C12orf56: variants seen among roughly 807,000 people sequenced by gnomAD.
C12orf56 encodes uncharacterized protein C12orf56.
C12orf56 carries 71 observed loss-of-function variants against 69.9 expected under a neutral mutation model. That is an observed-to-expected ratio of 1.02 (90% CI 0.84 to 1.24). The LOEUF is 1.24. Ranked by LOEUF, C12orf56 falls within the 50% of genes most tolerant of loss-of-function variation. C12orf56 has a pLI of 0.00. For missense variants in C12orf56, 732 were observed against 738.5 expected (o/e 0.99, Z 0.10); for synonymous variants, 276 against 274.1 (o/e 1.01, Z -0.07).
intron 3 of C12orf56, among the ~76,000 whole-genome samples, chr12:64,319,449 A>G (rs557844796): frequency 1.3e-5 from 2 of 152,160 alleles, no homozygotes; most frequent in African/African-American, 2.4e-5. Context: ...AGGTTGGAGT[A>G]CAGTGGTGCC....
At chr12:64,387,488 A>C (rs943274500) in intron 1 of C12orf56, among the ~76,000 whole-genome samples, 2 of 152,220 alleles carry the variant, frequency 1.3e-5, no homozygotes, top group African/African-American at 2.4e-5. Flanking sequence ...GGAGCTTTAC[A>C]GTACTTTTTA....
intron 6 of C12orf56, among the ~76,000 whole-genome samples, chr12:64,299,476 GTA>G (rs1467918772): frequency 6.6e-6 from 1 of 152,136 alleles, no homozygotes; most frequent in Non-Finnish European, 1.5e-5. Context: ...GTGTTTTCAA[GTA>G]TAAAACAGAT....
intron 2 of C12orf56, among the ~76,000 whole-genome samples, chr12:64,337,870 A>C (rs1346085631): frequency 2.0e-5 from 3 of 151,866 alleles, no homozygotes; most frequent in African/African-American, 4.8e-5. Flanking sequence ...AAAAAAAAAA[A>C]AAAACACCAG....
intron 1 of C12orf56, among the ~76,000 whole-genome samples, chr12:64,353,720 C>T (rs757994893): frequency 1.8e-4 from 28 of 152,022 alleles, no homozygotes; most frequent in Admixed American, 4.6e-4. Flanking sequence ...CTCTCTCTGT[C>T]GCCCAGCCTG....
chr12:64,308,992 A>AG (rs10676209), intron 5 of C12orf56, among the ~76,000 whole-genome samples: 2 of 150,514 alleles, frequency 1.3e-5, no homozygotes, highest in African/African-American at 2.4e-5. Flanking sequence ...AAGAAAAGAA[A>AG]GAAGGAAAGA....
At chr12:64,333,513 A>AT (rs981605830) in intron 2 of C12orf56, among the ~76,000 whole-genome samples, 6 of 148,154 alleles carry the variant, frequency 4.0e-5, no homozygotes, top group African/African-American at 1.5e-4. Flanking sequence ...TTATTTTTTT[A>AT]TTTTTTTGAG....
In C12orf56 at chr12:64,332,572, G is replaced by A. The variant is rs184591421; in HGVS notation, c.416-1540C>T. On this transcript the variant is annotated intron_variant, in intron 2 of 12. Transcript: ENST00000543942. ...TGTCCTGATTTCTTTGGAGTGCTGC[G>A]GGCATTGTATTTGTACAGTGTAAGA... Among the ~76,000 whole-genome samples the A allele has an allele frequency of 4.6e-5, 7 of 152,218 alleles. No homozygotes were observed. The East Asian group carries it at 5.8e-4, about 13-fold the overall frequency.
In C12orf56 at chr12:64,380,756, A is replaced by G. The variant is rs188995864; in HGVS notation, c.252+9558T>C. On this transcript the variant is annotated intron_variant, in intron 1 of 12. Transcript: ENST00000543942. ...CTCGAGTGTTCTAGGTAGAAAGGCAAGTACAAAGGTCCTGAGGTATAGAAG... is the reference window on the plus strand; with the variant it reads ...CTCGAGTGTTCTAGGTAGAAAGGCAGGTACAAAGGTCCTGAGGTATAGAAG... 6.3e-4 allele frequency among the ~76,000 whole-genome samples: 96 copies of G among 152,306 alleles called. 2 individuals are homozygous for G. The highest frequency in any genetic ancestry group is 3.1e-3 in the South Asian group (15 of 4,830).
intron 2 of C12orf56, chr12:64,338,740 G>A (rs1353023149): frequency 2.0e-6 from 3 of 1,482,556 alleles, no homozygotes; most frequent in Non-Finnish European, 2.8e-6. Flanking sequence ...CTTGTTCAAT[G>A]AAAGCCATCA....
chr12:64,371,758 A>T (rs1387485373), intron 1 of C12orf56, among the ~76,000 whole-genome samples: 1 of 152,084 alleles, frequency 6.6e-6, no homozygotes, highest in African/African-American at 2.4e-5. Flanking sequence ...TGAATCCAGG[A>T]GGTAGAGGTT....
intron 3 of C12orf56, among the ~76,000 whole-genome samples, chr12:64,330,000 T>C (rs2038909160): frequency 6.6e-6 from 1 of 152,110 alleles, no homozygotes; most frequent in South Asian, 2.1e-4. Context: ...TGTGCATGTG[T>C]CTTTATAGCA....
Position 64,318,903 on chromosome 12 carries a change from T to C in C12orf56, c.566A>G (p.His189Arg), listed in dbSNP as rs2038730440. The C allele has an allele frequency of 2.6e-6, 4 of 1,537,046 alleles. No homozygotes were observed. Among genetic ancestry groups the C allele is most frequent in the African/African-American group, 2.7e-5 (2 of 73,040 alleles). The change falls in exon 4 of 13, where the codon CAT becomes CGT. Residue 189 changes from histidine (H) to arginine (R), a missense_variant. His to Arg is a conservative substitution (Grantham distance 29, BLOSUM62 0). Coordinates refer to ENST00000543942, the MANE Select transcript of C12orf56 (RefSeq NM_001170633.2). ...TAGGGGTCGAAAGGCACCTTGGCCA[T>C]GAAGGGACAGCTTTTTGAGGCCTGG... ...PRPGLKKLSL[H>R]GQGAFRPLPS...
Position 64,353,005 on chromosome 12 carries a change from G to T in C12orf56, c.304C>A (p.His102Asn). 6.2e-7 allele frequency: 1 copy of T among 1,611,492 alleles called. No individual in the cohort carries two copies. The highest frequency in any genetic ancestry group is 8.5e-7 in the Non-Finnish European group (1 of 1,179,370). The change falls in exon 2 of 13, where the codon CAC becomes AAC. Residue 102 changes from histidine to asparagine, a missense_variant. By Grantham distance (68) the His-to-Asn change is moderately conservative. Coordinates refer to ENST00000543942, the MANE Select transcript of C12orf56 (RefSeq NM_001170633.2). Reference sequence around the variant, plus strand: ...GTTGAAGAATAGATGATACGAATGTGTTGGCTGATTTCTCTATCTGGCGAA... The same window carrying T: ...GTTGAAGAATAGATGATACGAATGTTTTGGCTGATTTCTCTATCTGGCGAA... ...LSSPDREISQHIRIIYSSTVL... is the reference protein window; with the variant it reads ...LSSPDREISQNIRIIYSSTVL...
intron 1 of C12orf56, among the ~76,000 whole-genome samples, chr12:64,370,277 G>A (rs186380355): frequency 3.0e-4 from 44 of 145,890 alleles, no homozygotes; most frequent in African/African-American, 1.0e-3. Context: ...CCCAGGAGGC[G>A]GAGGTTGCAA....
chr12:64,286,840 A>C (rs1438515156), intron 6 of C12orf56, among the ~76,000 whole-genome samples: 1 of 152,146 alleles, frequency 6.6e-6, no homozygotes, highest in Non-Finnish European at 1.5e-5. Flanking sequence ...ATATGGCATG[A>C]GAAGAGGCTG....
chr12:64,323,724 C>T (rs560926193), intron 3 of C12orf56, among the ~76,000 whole-genome samples: 4 of 151,994 alleles, frequency 2.6e-5, no homozygotes, highest in African/African-American at 9.7e-5. Context: ...TTGCCCAGGC[C>T]GGTCTTAAAC....
rs2037924609 is a variant in C12orf56, at chr12:64,266,895, C to T, written c.*288G>A. On this transcript the variant is annotated 3_prime_UTR_variant, in exon 13 of 13. Coordinates refer to ENST00000543942, the MANE Select transcript of C12orf56 (RefSeq NM_001170633.2). The stretch of plus-strand genomic sequence containing the variant: ...TTTTTCCTGTGTCTTGATGGATAGT[C>T]GTTTATTTTGTGGCAAGAGTGAGTT... 1.1e-5 allele frequency: 4 copies of T among 361,726 alleles called. No individual in the cohort carries two copies. Among genetic ancestry groups the T allele is most frequent in the Non-Finnish European group, 1.5e-5 (3 of 205,526 alleles). 22.4% of individuals were successfully genotyped at this position (361,726 alleles called of 1,614,324 possible).
chr12:64,380,228 G>A (rs766895784), intron 1 of C12orf56, among the ~76,000 whole-genome samples: 6 of 150,550 alleles, frequency 4.0e-5, no homozygotes, highest in Non-Finnish European at 7.4e-5. Context: ...CTAAACATGA[G>A]CATCATGAGA....
In C12orf56 at chr12:64,264,797, G is replaced by C. The variant is rs541314564; in HGVS notation, c.*2386C>G. ...ACAATCCTTCGAATTATTAGTTTCT[G>C]ATCCCAGACTGTGCAAATGAATAGA... On this transcript the variant is annotated 3_prime_UTR_variant, in exon 13 of 13. Coordinates refer to ENST00000543942, the MANE Select transcript of C12orf56 (RefSeq NM_001170633.2). The C allele has an allele frequency of 3.3e-5, 5 of 152,316 alleles. No homozygotes were observed. Among genetic ancestry groups the C allele is most frequent in the Non-Finnish European group, 7.3e-5 (5 of 68,034 alleles). The allele number at this position is 152,316 out of a possible 1,614,324, so 9.4% of individuals were successfully genotyped here.
Sources: gnomAD v4.1 joint callset for allele counts (sites outside exome capture counted in the v4.1 genomes callset) on GRCh38, gnomAD v4.1.1 for gene constraint, MANE v1.5 for transcripts, NCBI Gene and HGNC (gene_info 2026-07-23, HGNC 2026-07-21) for gene names.